Variants in PPP6R3 observed in about 807,000 individuals in gnomAD.
The protein encoded by PPP6R3 is serine/threonine-protein phosphatase 6 regulatory subunit 3.
In PPP6R3, 38 loss-of-function variants were observed where a neutral mutation model predicts 110.7. That is an observed-to-expected ratio of 0.34 (90% CI 0.26 to 0.45). The LOEUF (loss-of-function observed/expected upper bound fraction) is 0.45, where lower values mean the gene tolerates loss of function less well. Among genes scored for constraint, PPP6R3 ranks in the 20% least tolerant of loss-of-function variants. The pLI, the probability that PPP6R3 is intolerant of heterozygous loss-of-function variation, is 1.00. For missense variants in PPP6R3, 870 were observed against 1,062.4 expected (o/e 0.82, Z 2.52); for synonymous variants, 369 against 373.5 (o/e 0.99, Z 0.14).
chr11:68,563,916 G>A (rs1442580779), intron 8 of PPP6R3, among the ~76,000 whole-genome samples: 1 of 152,142 alleles, frequency 6.6e-6, no homozygotes, highest in Admixed American at 6.5e-5. Context: ...ACAAGTATAG[G>A]CCTGTTCATT....
At chr11:68,526,290 C>T (rs2153598653) in intron 2 of PPP6R3, among the ~76,000 whole-genome samples, 1 of 151,876 alleles carries the variant, frequency 6.6e-6, no homozygotes, top group Non-Finnish European at 1.5e-5. Flanking sequence ...GGGTCTTACT[C>T]TGTCAGCCAG....
chr11:68,522,817 C>T (rs1223561268), intron 2 of PPP6R3: 1 of 152,184 alleles, frequency 6.6e-6, no homozygotes, highest in Non-Finnish European at 1.5e-5. Context: ...GTTGTCTTTT[C>T]TCAACTTCTT....
At chr11:68,489,436 T>C (rs966813126) in intron 1 of PPP6R3, among the ~76,000 whole-genome samples, 32 of 152,196 alleles carry the variant, frequency 2.1e-4, no homozygotes, top group Admixed American at 1.9e-3. Context: ...TTGCAACATA[T>C]ATTTGCAGTT....
intron 1 of PPP6R3, among the ~76,000 whole-genome samples, chr11:68,486,346 T>C (rs2472420): frequency 0.39 from 58,992 of 151,620 alleles, 12,721 homozygotes; most frequent in African/African-American, 0.57. Flanking sequence ...TGGCTCACAC[T>C]TGTAATCCCA....
Position 68,537,720 on chromosome 11 carries a change from G to C in PPP6R3, c.56G>C (p.Arg19Thr). 2 of 1,613,432 alleles carry C rather than the reference G, an allele frequency of 1.2e-6. No individual in the cohort carries two copies. The highest frequency in any genetic ancestry group is 1.7e-4 in the Middle Eastern group (1 of 6,052). ...SSSHIDTLLEREDVTLKELMD... is the reference protein window; with the variant it reads ...SSSHIDTLLETEDVTLKELMD... ...TCCCACATAGACACACTTCTAGAAA[G>C]AGAAGATGTAACACTGAAGGAGTTA... Residue 19 changes from arginine to threonine, a missense_variant, in exon 3 of 24, where the codon AGA becomes ACA. Coordinates refer to ENST00000393800, the MANE Select transcript of PPP6R3 (RefSeq NM_001164161.2).
In PPP6R3 at chr11:68,552,308, G is replaced by C. The variant is rs1000503300; in HGVS notation, c.618+1122G>C. Reference sequence around the variant, plus strand: ...GGAGAGCGAGCACAGCAGAGGAGCTGTGCAGGAAGAGACATGCAATGGAGG... The same window carrying C: ...GGAGAGCGAGCACAGCAGAGGAGCTCTGCAGGAAGAGACATGCAATGGAGG... On this transcript the variant is annotated intron_variant, in intron 6 of 23. Coordinates refer to ENST00000393800, the MANE Select transcript of PPP6R3 (RefSeq NM_001164161.2). Among the ~76,000 whole-genome samples, 4 of 152,322 alleles carry C rather than the reference G, an allele frequency of 2.6e-5. No individual in the cohort carries two copies. The East Asian group carries it at 7.7e-4, about 29-fold the overall frequency.
chr11:68,537,817 A>T lies in PPP6R3; in HGVS notation c.153A>T (p.Ala51=). 1 of 1,614,122 alleles carries T rather than the reference A, an allele frequency of 6.2e-7. No homozygotes were observed. Among genetic ancestry groups the T allele is most frequent in the Admixed American group, 1.7e-5 (1 of 60,032 alleles). The change falls in exon 3 of 24, where the codon GCA becomes GCT. Residue 51 remains alanine, a synonymous_variant. Transcript: ENST00000393800. ...AACTTATAGAGTTTCTGTTAAAAGC[A>T]GAATGTCTCGAAGATTTAGTCTCAT... The part of the protein sequence containing the change: ...NRKLIEFLLK[A]ECLEDLVSFI...
intron 15 of PPP6R3, among the ~76,000 whole-genome samples, chr11:68,585,059 C>T (rs1253875171): frequency 1.3e-5 from 2 of 152,114 alleles, no homozygotes; most frequent in African/African-American, 4.8e-5. Flanking sequence ...TGATAAAGTC[C>T]CCGAATGTAG....
At chr11:68,545,177 A>G (rs10896340) in intron 4 of PPP6R3, among the ~76,000 whole-genome samples, 153 bp downstream of exon 4, 95,035 of 152,134 alleles carry the variant, frequency 0.62, 30,764 homozygotes, top group South Asian at 0.8. Context: ...AAGCACTCAC[A>G]TACTATTTGT....
At chr11:68,501,915 A>G (rs2099050852) in intron 1 of PPP6R3, among the ~76,000 whole-genome samples, 1 of 152,206 alleles carries the variant, frequency 6.6e-6, no homozygotes, top group Non-Finnish European at 1.5e-5. Flanking sequence ...CTGCAAACTT[A>G]AGCAAAATGA....
intron 1 of PPP6R3, among the ~76,000 whole-genome samples, chr11:68,502,276 T>G (rs1017100650): frequency 3.3e-5 from 5 of 152,196 alleles, no homozygotes; most frequent in African/African-American, 4.8e-5. Flanking sequence ...GTAGGAAAAT[T>G]GAGATGTTTT....
chr11:68,581,209 T>C (rs1174147510), intron 14 of PPP6R3, among the ~76,000 whole-genome samples: 1 of 152,208 alleles, frequency 6.6e-6, no homozygotes, highest in Non-Finnish European at 1.5e-5. Flanking sequence ...CTAAAACTAG[T>C]TTCATTTTGG....
intron 14 of PPP6R3, among the ~76,000 whole-genome samples, chr11:68,580,835 G>T (rs1351229780): frequency 1.6e-5 from 2 of 123,204 alleles, no homozygotes; most frequent in Non-Finnish European, 3.2e-5. Flanking sequence ...GCAGTGGCAC[G>T]ATCTCGGCTC....
chr11:68,542,875 T>C (rs1345522261), intron 3 of PPP6R3, among the ~76,000 whole-genome samples: 1 of 152,198 alleles, frequency 6.6e-6, no homozygotes, highest in Non-Finnish European at 1.5e-5. Flanking sequence ...GGACTTTCTC[T>C]GTCAGAGTTT....
chr11:68,608,272 A>G (rs1028684039), intron 22 of PPP6R3, among the ~76,000 whole-genome samples: 2 of 152,248 alleles, frequency 1.3e-5, no homozygotes, highest in African/African-American at 2.4e-5. Context: ...TTGGCAAAAG[A>G]TAAGTTTATA....
intron 2 of PPP6R3, among the ~76,000 whole-genome samples, chr11:68,526,567 A>G (rs1349981908): frequency 6.6e-6 from 1 of 152,106 alleles, no homozygotes; most frequent in African/African-American, 2.4e-5. Flanking sequence ...TTATCATACC[A>G]TCTTACCTCT....
At chr11:68,513,174 C>T (rs1407861131) in intron 1 of PPP6R3, among the ~76,000 whole-genome samples, 3 of 152,100 alleles carry the variant, frequency 2.0e-5, no homozygotes, top group Non-Finnish European at 4.4e-5. Flanking sequence ...TCCCGGGGGT[C>T]TTCAGCTTGC....
chr11:68,547,008 A>G lies in PPP6R3; in HGVS notation c.415-1059A>G, dbSNP rs182267783. Among the ~76,000 whole-genome samples the G allele has an allele frequency of 3.2e-4, 48 of 152,298 alleles. 1 individual carries two copies. Among genetic ancestry groups the G allele is most frequent in the African/African-American group, 1.1e-3 (47 of 41,560 alleles). The stretch of plus-strand genomic sequence containing the variant: ...GTTTTATATCATAATGCTTGACCTC[A>G]TTGTCTAGAGAAGCAATGTGTGTTG... On this transcript the variant is annotated intron_variant, in intron 4 of 23. Coordinates refer to ENST00000393800, the MANE Select transcript of PPP6R3 (RefSeq NM_001164161.2).
In PPP6R3 at chr11:68,464,113, C is replaced by G. The variant is rs939185244; in HGVS notation, c.-158+3286C>G. 2.6e-5 allele frequency among the ~76,000 whole-genome samples: 4 copies of G among 152,208 alleles called. No homozygotes were observed. The East Asian group carries it at 5.8e-4, about 22-fold the overall frequency. ...AGACCATGGATGTTGGACTCCACCTCTGGAAATGGTGGGATTGAGAATCTT... is the reference window on the plus strand; with the variant it reads ...AGACCATGGATGTTGGACTCCACCTGTGGAAATGGTGGGATTGAGAATCTT... On this transcript the variant is annotated intron_variant, in intron 1 of 23. Coordinates refer to ENST00000393800, the MANE Select transcript of PPP6R3 (RefSeq NM_001164161.2).
Sources: gnomAD v4.1 joint callset for allele counts (sites outside exome capture counted in the v4.1 genomes callset) on GRCh38, gnomAD v4.1.1 for gene constraint, MANE v1.5 for transcripts, NCBI Gene and HGNC (gene_info 2026-07-23, HGNC 2026-07-21) for gene names.